Variants in PHC2 observed in about 807,000 individuals in gnomAD.
The protein encoded by PHC2 is polyhomeotic-like protein 2.
Under a neutral mutation model 87.4 loss-of-function variants are expected in PHC2, and 29 were observed. The ratio of observed to expected loss-of-function variants is 0.33; its 90% CI spans 0.25 to 0.45. The LOEUF (loss-of-function observed/expected upper bound fraction) is 0.45. Ranked by LOEUF, PHC2 falls within the 20% of genes least tolerant of loss-of-function variation. The pLI is 1.00. For synonymous variants in PHC2, 438 were observed against 461.7 expected (o/e 0.95, Z 0.66); for missense variants, 857 against 1,136.7 (o/e 0.75, Z 3.54).
chr1:33,341,660 AGTT>A (rs1646747718), intron 9 of PHC2, among the ~76,000 whole-genome samples: 1 of 152,264 alleles, frequency 6.6e-6, no homozygotes, highest in Non-Finnish European at 1.5e-5. Context: ...AAATGCAGTC[AGTT>A]GTTAAGATGA....
chr1:33,337,266 G>A (rs1175571979), intron 9 of PHC2, among the ~76,000 whole-genome samples: 1 of 152,164 alleles, frequency 6.6e-6, no homozygotes, highest in Non-Finnish European at 1.5e-5. Flanking sequence ...TCTGGCATTT[G>A]TTTGAATACC....
chr1:33,430,546 C>A (rs74651966), intron 1 of PHC2, among the ~76,000 whole-genome samples: 3 of 151,936 alleles, frequency 2.0e-5, no homozygotes, highest in Non-Finnish European at 2.9e-5. Context: ...CGCAAGACCA[C>A]GGGCTGCCGC....
At chr1:33,370,904 A>G (rs1647787094) in intron 4 of PHC2, 113 bp downstream of exon 4, 1 of 888,178 alleles carries the variant, frequency 1.1e-6, no homozygotes, top group East Asian at 2.4e-5. Context: ...TAAGGGCAAT[A>G]GATTCCAGCC....
chr1:33,349,526 ACTTCCAGTGCGGCGAGCGCGGCCCCCGG>A lies in PHC2; in HGVS notation c.1558+4847_1558+4874del. On this transcript the variant is annotated intron_variant, in intron 9 of 14. Transcript: ENST00000683057. This position sits in a 1 kb window ranked among gnomAD's most constrained non-coding sequence, Gnocchi z 4.2. Reference sequence around the variant, plus strand: ...TTAGGGGCACCGAGGGCGGTGCCCGACTTCCAGTGCGGCGAGCGCGGCCCCCGGCCTCCCTACTGGCGAGAACCCCTCC... The same window carrying A: ...TTAGGGGCACCGAGGGCGGTGCCCGACCTCCCTACTGGCGAGAACCCCTCC... The A allele has an allele frequency of 1.0e-6, 1 of 983,400 alleles. No homozygotes were observed. The highest frequency in any genetic ancestry group is 1.2e-6 in the Non-Finnish European group (1 of 828,318). 60.9% of individuals were successfully genotyped at this position (983,400 alleles called of 1,614,324 possible).
At chr1:33,386,839 C>G (rs185235713) in intron 1 of PHC2, among the ~76,000 whole-genome samples, 1 of 152,264 alleles carries the variant, frequency 6.6e-6, no homozygotes, top group Non-Finnish European at 1.5e-5. Context: ...AGCACACACA[C>G]AGCACATACA....
Position 33,345,921 on chromosome 1 carries a change from T to C in PHC2, c.1558+8480A>G, listed in dbSNP as rs192499045. ...ATAAGTCATTGCTTCAAGTGAAGCC[T>C]ACCTCTGTTTGAGTTGTGAATAAGT... On this transcript the variant is annotated intron_variant, in intron 9 of 14. Coordinates refer to ENST00000683057, the MANE Select transcript of PHC2 (RefSeq NM_001385109.1). 1.9e-5 allele frequency: 19 copies of C among 984,952 alleles called. No individual in the cohort carries two copies. The East Asian group carries it at 1.9e-3, about 100-fold the overall frequency. 61.0% of individuals were successfully genotyped at this position (984,952 alleles called of 1,614,324 possible). A position where few individuals can be genotyped will look rare whatever the true frequency, so the allele number is the denominator to read the frequency against.
At chr1:33,335,998 T>TGTTGTTGTTGTTGTTGTTGTTG (rs35270760) in intron 9 of PHC2, among the ~76,000 whole-genome samples, 22 of 148,144 alleles carry the variant, frequency 1.5e-4, no homozygotes, top group African/African-American at 4.7e-4. Context: ...TTGTTGTTGT[T>TGTTGTTGTTGTTGTTGTTGTTG]TTTTTTTTTA....
At chr1:33,346,939 G>A (rs1273404558) in intron 9 of PHC2, 2 of 985,298 alleles carry the variant, frequency 2.0e-6, no homozygotes, top group Non-Finnish European at 2.4e-6. Context: ...AATGTAGAGA[G>A]GGGACAGCCT....
In PHC2 at chr1:33,327,715, C is replaced by T. The variant is rs75019034; in HGVS notation, c.2425+1155G>A. 5.3e-3 allele frequency among the ~76,000 whole-genome samples: 810 copies of T among 152,362 alleles called. 10 individuals are homozygous for T. The highest frequency in any genetic ancestry group is 0.018 in the African/African-American group (764 of 41,580). On this transcript the variant is annotated intron_variant, in intron 14 of 14. Transcript: ENST00000683057. ...CCCACTGCCATGCATATCATGAGAA[C>T]ACTCGAGCAGCCCTCTGGAGAGGCC...
chr1:33,339,900 G>A (rs1646711254), intron 9 of PHC2, among the ~76,000 whole-genome samples: 1 of 152,226 alleles, frequency 6.6e-6, no homozygotes, highest in African/African-American at 2.4e-5. Flanking sequence ...TTTCCTTTGA[G>A]TATCACGTAG....
At chr1:33,423,277 CAAAAT>C (rs1650503039) in intron 1 of PHC2, among the ~76,000 whole-genome samples, 1 of 152,046 alleles carries the variant, frequency 6.6e-6, no homozygotes, top group Non-Finnish European at 1.5e-5. Flanking sequence ...TAACTGAAAA[CAAAAT>C]AAAAGTGGGA....
chr1:33,337,285 C>A (rs529018880), intron 9 of PHC2, among the ~76,000 whole-genome samples: 1 of 152,292 alleles, frequency 6.6e-6, no homozygotes, highest in East Asian at 1.9e-4. Flanking sequence ...CCTCCAGCGA[C>A]AAAGAAACTC....
At chr1:33,357,086 C>T (rs932216289) in intron 7 of PHC2, among the ~76,000 whole-genome samples, 4 of 152,258 alleles carry the variant, frequency 2.6e-5, no homozygotes, top group Admixed American at 6.5e-5. Context: ...TAGGATGAAG[C>T]AGCTCAGCTG....
intron 1 of PHC2, among the ~76,000 whole-genome samples, chr1:33,419,523 G>T (rs911673827): frequency 3.9e-5 from 6 of 152,062 alleles, no homozygotes; most frequent in African/African-American, 9.7e-5. Context: ...CCTCTCTAAG[G>T]ACACTTGTGA....
intron 7 of PHC2, among the ~76,000 whole-genome samples, chr1:33,360,956 C>T (rs1410876289): frequency 6.6e-6 from 1 of 152,176 alleles, no homozygotes; most frequent in African/African-American, 2.4e-5. Context: ...TAACAGAAGT[C>T]AGTAAGGACG....
At chr1:33,376,949 A>G (rs963204256) in intron 1 of PHC2, among the ~76,000 whole-genome samples, 2 of 152,180 alleles carry the variant, frequency 1.3e-5, no homozygotes, top group Admixed American at 1.3e-4. Context: ...GTGTTTATTT[A>G]GTTTAGTTTT....
chr1:33,383,064 C>G (rs1648564515), intron 1 of PHC2, among the ~76,000 whole-genome samples: 1 of 152,190 alleles, frequency 6.6e-6, no homozygotes, highest in Non-Finnish European at 1.5e-5. Context: ...GAACATATTC[C>G]TTTGCTGTGG....
chr1:33,369,626 G>A lies in PHC2; in HGVS notation c.576+795C>T, dbSNP rs182365070. Among the ~76,000 whole-genome samples, 36 of 152,300 alleles carry A rather than the reference G, an allele frequency of 2.4e-4. No individual in the cohort carries two copies. The highest frequency in any genetic ancestry group is 8.7e-4 in the African/African-American group (36 of 41,556). ...GCGGGAGCAAGACCAGACAAGCTCC[G>A]AGGGTCACGTCCTGGCCATAAGAGC... On this transcript the variant is annotated intron_variant, in intron 5 of 14. Coordinates refer to ENST00000683057, the MANE Select transcript of PHC2 (RefSeq NM_001385109.1). This position sits in a 1 kb window ranked among gnomAD's most constrained non-coding sequence, Gnocchi z 4.7.
intron 1 of PHC2, among the ~76,000 whole-genome samples, chr1:33,407,055 T>C (rs984690542): frequency 6.6e-6 from 1 of 152,242 alleles, no homozygotes; most frequent in Non-Finnish European, 1.5e-5. Context: ...TACTGATTAA[T>C]ATGTTCACTG....
Sources: gnomAD v4.1 joint callset for allele counts (sites outside exome capture counted in the v4.1 genomes callset) on GRCh38, gnomAD v4.1.1 for gene constraint, Gnocchi (gnomAD v3.1) non-coding constraint, MANE v1.5 for transcripts, NCBI Gene and HGNC (gene_info 2026-07-23, HGNC 2026-07-21) for gene names.